Variants in CCDC33 observed in about 807,000 individuals in gnomAD.
CCDC33 encodes coiled-coil domain-containing protein 33.
Under a neutral mutation model 91.9 loss-of-function variants are expected in CCDC33, and 94 were observed. The observed-to-expected ratio is 1.02, with a 90% confidence interval of 0.87 to 1.21. The LOEUF is 1.21. Among genes scored for constraint, CCDC33 ranks in the 50% most tolerant of loss-of-function variants. CCDC33 has a pLI of 0.00. For missense variants in CCDC33, 940 were observed against 935.5 expected (o/e 1.00, Z -0.06); for synonymous variants, 396 against 374.5 (o/e 1.06, Z -0.66).
downstream of CCDC33, chr15:74,336,175 G>C: frequency 6.8e-7 from 1 of 1,471,024 alleles, no homozygotes; most frequent in East Asian, 2.5e-5. Flanking sequence ...GGGCAGCCTG[G>C]GGGCCCTGCT....
chr15:74,222,050 G>C (rs553164866), intron 2 of CCDC33, among the ~76,000 whole-genome samples: 6 of 152,184 alleles, frequency 3.9e-5, no homozygotes, highest in Non-Finnish European at 8.8e-5. Context: ...CGGCAAAAAG[G>C]CCATCAGATG....
chr15:74,330,842 C>A, intron 13 of CCDC33, 91 bp downstream of exon 13: 1 of 1,505,856 alleles, frequency 6.6e-7, no homozygotes, highest in Non-Finnish European at 9.1e-7. Context: ...GGAGAACAGG[C>A]ACAGAGGGAA....
chr15:74,283,273 C>T (rs2059405404), intron 10 of CCDC33, among the ~76,000 whole-genome samples: 1 of 152,216 alleles, frequency 6.6e-6, no homozygotes, highest in South Asian at 2.1e-4. Flanking sequence ...GGGCCTCTTC[C>T]CAAGGTATAG....
At position 74,272,862 on chromosome 15, in the gene CCDC33, C is replaced by G. The variant is rs757838149; in HGVS notation, c.730C>G (p.Pro244Ala). 6.2e-7 allele frequency: 1 copy of G among 1,614,232 alleles called. No homozygotes were observed. Among genetic ancestry groups the G allele is most frequent in the South Asian group, 1.1e-5 (1 of 91,086 alleles). The change falls in exon 7 of 19, where the codon CCT (proline) becomes GCT (alanine). Residue 244 changes from proline (P) to alanine (A), a missense_variant. Physicochemically the swap from Pro to Ala is conservative, Grantham distance 27. Coordinates refer to ENST00000398814, the MANE Select transcript of CCDC33 (RefSeq NM_025055.5). Reference sequence around the variant, plus strand: ...CCCGTCCATGATGAACTTTGACGTGCCTCGCGTCAGCCAGAACGGATGCCC... The same window carrying G: ...CCCGTCCATGATGAACTTTGACGTGGCTCGCGTCAGCCAGAACGGATGCCC... ...PIPSMMNFDVPRVSQNGCPQL... is the reference protein window; with the variant it reads ...PIPSMMNFDVARVSQNGCPQL...
intron 11 of CCDC33, among the ~76,000 whole-genome samples, chr15:74,313,339 C>T (rs148397380): frequency 1.1e-3 from 172 of 152,092 alleles, no homozygotes; most frequent in Middle Eastern, 0.01. Flanking sequence ...GCCTACTCTT[C>T]TCTGGGTCAT....
At chr15:74,278,791 T>C (rs895544634) in intron 7 of CCDC33, among the ~76,000 whole-genome samples, 2 of 152,274 alleles carry the variant, frequency 1.3e-5, no homozygotes, top group African/African-American at 2.4e-5. Flanking sequence ...AGCTCTCTTA[T>C]TGGGCAGTGC....
intron 11 of CCDC33, among the ~76,000 whole-genome samples, chr15:74,323,628 A>C (rs2060249397): frequency 6.6e-6 from 1 of 152,036 alleles, no homozygotes; most frequent in Non-Finnish European, 1.5e-5. Flanking sequence ...CCCGGGTTCA[A>C]GTGATTCTCA....
intron 11 of CCDC33, among the ~76,000 whole-genome samples, chr15:74,309,302 T>C (rs926903594): frequency 1.3e-5 from 2 of 152,150 alleles, no homozygotes; most frequent in Admixed American, 1.3e-4. Flanking sequence ...GCTCCAGGCC[T>C]GTGTTCCCGG....
intron 10 of CCDC33, among the ~76,000 whole-genome samples, chr15:74,283,248 G>C (rs1210255916): frequency 6.6e-6 from 1 of 152,190 alleles, no homozygotes; most frequent in Non-Finnish European, 1.5e-5. Flanking sequence ...TCCCAGTTTG[G>C]AGCCCAACCC....
At chr15:74,290,826 T>C (rs2142561361) in intron 10 of CCDC33, among the ~76,000 whole-genome samples, 1 of 152,196 alleles carries the variant, frequency 6.6e-6, no homozygotes, top group South Asian at 2.1e-4. Flanking sequence ...GGAGCAGCAG[T>C]AGGATGTGAT....
chr15:74,324,089 CAAAAAAAA>C (rs55758894), intron 11 of CCDC33, among the ~76,000 whole-genome samples: 1 of 72,094 alleles, frequency 1.4e-5, no homozygotes, highest in Admixed American at 1.7e-4. Flanking sequence ...GACTCCATCT[CAAAAAAAA>C]AAAAAAAAAA....
chr15:74,313,124 T>G (rs548864748), intron 11 of CCDC33, among the ~76,000 whole-genome samples: 19 of 152,182 alleles, frequency 1.2e-4, no homozygotes, highest in Non-Finnish European at 2.2e-4. Flanking sequence ...CACTTGGAAG[T>G]CTCTGTTTCC....
intron 11 of CCDC33, among the ~76,000 whole-genome samples, chr15:74,311,238 G>C (rs1380172362): frequency 6.6e-6 from 1 of 152,124 alleles, no homozygotes; most frequent in Non-Finnish European, 1.5e-5. Flanking sequence ...TCCAGACAGG[G>C]CTCCTTCCCC....
chr15:74,219,269 A>G (rs1001910634), intron 2 of CCDC33, among the ~76,000 whole-genome samples: 1 of 152,154 alleles, frequency 6.6e-6, no homozygotes, highest in Non-Finnish European at 1.5e-5. Context: ...GCTCAACCCC[A>G]ACCCAGGACC....
chr15:74,258,279 C>T (rs564525707), intron 2 of CCDC33, among the ~76,000 whole-genome samples: 3 of 152,304 alleles, frequency 2.0e-5, no homozygotes, highest in Non-Finnish European at 4.4e-5. Flanking sequence ...ACAAGCCTGC[C>T]CAGCCAAGAC....
rs1035101486 is a variant in CCDC33, at chr15:74,277,236, G to A, written c.760-2727G>A. Among the ~76,000 whole-genome samples the A allele has an allele frequency of 2.6e-5, 4 of 152,226 alleles. No homozygotes were observed. The East Asian group carries it at 7.7e-4, about 29-fold the overall frequency. On this transcript the variant is annotated intron_variant, in intron 7 of 18. Coordinates refer to ENST00000398814, the MANE Select transcript of CCDC33 (RefSeq NM_025055.5). Reference sequence around the variant, plus strand: ...CCCAAAGAGGAGAAGGGACTTGAAGGCCACACAGCAAGGTTGAGGCAGACC... The same window carrying A: ...CCCAAAGAGGAGAAGGGACTTGAAGACCACACAGCAAGGTTGAGGCAGACC...
At chr15:74,327,461 T>A (rs1459055183) in intron 11 of CCDC33, among the ~76,000 whole-genome samples, 1 of 151,966 alleles carries the variant, frequency 6.6e-6, no homozygotes, top group Admixed American at 6.6e-5. Context: ...ATGGTGAAAC[T>A]CCATCTCTAC....
At chr15:74,279,581 G>C (rs2076536047) in intron 7 of CCDC33, among the ~76,000 whole-genome samples, 1 of 151,944 alleles carries the variant, frequency 6.6e-6, no homozygotes, top group Non-Finnish European at 1.5e-5. Flanking sequence ...TGTCACCCAG[G>C]CTGGAGTACA....
chr15:74,209,224 C>A, intron 1 of CCDC33: 1 of 1,088,300 alleles, frequency 9.2e-7, no homozygotes, highest in Non-Finnish European at 1.3e-6. Context: ...AGCCTCTCCA[C>A]ACCCCCAAAC....
Sources: gnomAD v4.1 joint callset for allele counts (sites outside exome capture counted in the v4.1 genomes callset) on GRCh38, gnomAD v4.1.1 for gene constraint, MANE v1.5 for transcripts, NCBI Gene and HGNC (gene_info 2026-07-23, HGNC 2026-07-21) for gene names.